Variants in DSCAM observed in about 807,000 individuals in gnomAD.
The protein encoded by DSCAM is DS cell adhesion molecule.
DSCAM carries 47 observed loss-of-function variants against 217.7 expected under a neutral mutation model. The ratio of observed to expected loss-of-function variants is 0.22; its 90% CI spans 0.17 to 0.28. The LOEUF (loss-of-function observed/expected upper bound fraction) is 0.28. DSCAM is among the 10% of genes least tolerant of loss of function. The pLI is 1.00. For synonymous variants in DSCAM, 1,056 were observed against 1,015.3 expected, an observed-to-expected ratio of 1.04 and a Z score of -0.76; for missense variants, 2,080 against 2,618.3, an observed-to-expected ratio of 0.79 and a Z score of 4.49.
rs768235267 is a variant in DSCAM, at chr21:40,620,236, AAGAG to A, written c.508+72570_508+72573del. Among the ~76,000 whole-genome samples the A allele has an allele frequency of 2.3e-3, 200 of 88,324 alleles. 11 individuals carry two copies. Among genetic ancestry groups the A allele is most frequent in the Middle Eastern group, 0.011 (2 of 184 alleles). 57.9% of individuals were successfully genotyped at this position (88,324 alleles called of 152,430 possible). On this transcript the variant is annotated intron_variant, in intron 3 of 32. Coordinates refer to ENST00000400454, the MANE Select transcript of DSCAM (RefSeq NM_001389.5). ...GAGAGAGAAAAAAGAAAAAGAAAGA[AAGAG>A]AGAGAAAGAGAGAGAAAAAAGAAAA... is the stretch of plus-strand genomic sequence containing the variant.
At chr21:40,782,486 G>T in intron 1 of DSCAM, among the ~76,000 whole-genome samples, 1 of 152,222 alleles carries the variant, frequency 6.6e-6, no homozygotes, top group East Asian at 1.9e-4. Flanking sequence ...CCAGCATGTT[G>T]GGAGGCCGAG....
chr21:40,841,383 T>A (rs1356204745), intron 1 of DSCAM, among the ~76,000 whole-genome samples: 2 of 152,182 alleles, frequency 1.3e-5, no homozygotes, highest in Non-Finnish European at 2.9e-5. Flanking sequence ...AACCCATAGA[T>A]TCGGCAAGGG....
chr21:40,203,911 C>A lies in DSCAM; in HGVS notation c.2357-14673G>T, dbSNP rs570591713. ...TAATGTGGTTTTTATAAAGGTTGAG[C>A]AATAAATAAAATATGTTTAAAAGTA... On this transcript the variant is annotated intron_variant, in intron 11 of 32. Coordinates refer to ENST00000400454, the MANE Select transcript of DSCAM (RefSeq NM_001389.5). 1.7e-4 allele frequency among the ~76,000 whole-genome samples: 26 copies of A among 151,892 alleles called. No homozygotes were observed. In the East Asian group the frequency reaches 4.8e-3, roughly 28 times the overall value.
intron 3 of DSCAM, among the ~76,000 whole-genome samples, chr21:40,427,172 TC>T (rs2075482720): frequency 6.6e-6 from 1 of 152,154 alleles, no homozygotes; most frequent in Admixed American, 6.5e-5. Context: ...GCTGCTCTGG[TC>T]ATGGACCTGT....
In DSCAM at chr21:40,804,673, A is replaced by C. The variant is rs1420746344; in HGVS notation, c.43+41946T>G. On this transcript the variant is annotated intron_variant, in intron 1 of 32. Coordinates refer to ENST00000400454, the MANE Select transcript of DSCAM (RefSeq NM_001389.5). ...TATCTGTTCCTTCTCAGTCTTCTTTACTCAGTCATCTGTCTCTGCACAATC... is the reference window on the plus strand; with the variant it reads ...TATCTGTTCCTTCTCAGTCTTCTTTCCTCAGTCATCTGTCTCTGCACAATC... 2.0e-5 allele frequency among the ~76,000 whole-genome samples: 3 copies of C among 152,082 alleles called. No individual in the cohort carries two copies. In the East Asian group the frequency reaches 5.8e-4, roughly 29 times the overall value.
At chr21:40,725,604 G>A (rs1691300413) in intron 1 of DSCAM, among the ~76,000 whole-genome samples, 1 of 152,212 alleles carries the variant, frequency 6.6e-6, no homozygotes, top group Non-Finnish European at 1.5e-5. Context: ...TAAACCGTGT[G>A]CTCACACAGC....
intron 11 of DSCAM, among the ~76,000 whole-genome samples, chr21:40,204,110 G>A (rs1406508232): frequency 6.6e-6 from 1 of 152,188 alleles, no homozygotes; most frequent in East Asian, 1.9e-4. Flanking sequence ...TGGGGTGATG[G>A]TCTGCTTACT....
chr21:40,534,175 AT>A (rs1267942429), intron 3 of DSCAM, among the ~76,000 whole-genome samples: 2 of 152,258 alleles, frequency 1.3e-5, no homozygotes, highest in African/African-American at 4.8e-5. Flanking sequence ...AGTATGTGAA[AT>A]TTTTTTATGA....
At chr21:40,655,311 G>T (rs192445444) in intron 3 of DSCAM, among the ~76,000 whole-genome samples, 1 of 152,200 alleles carries the variant, frequency 6.6e-6, no homozygotes, top group Non-Finnish European at 1.5e-5. Flanking sequence ...AGGCTGGGAA[G>T]TCCAACATCA....
At chr21:40,222,057 T>C (rs2091293137) in intron 11 of DSCAM, among the ~76,000 whole-genome samples, 1 of 152,208 alleles carries the variant, frequency 6.6e-6, no homozygotes, top group South Asian at 2.1e-4. Context: ...TCAAAAGGAA[T>C]GAAGTGAGCC....
chr21:40,197,413 CA>C (rs1400602961), intron 11 of DSCAM, among the ~76,000 whole-genome samples: 1 of 152,166 alleles, frequency 6.6e-6, no homozygotes, highest in Non-Finnish European at 1.5e-5. Flanking sequence ...CCACCGCGCC[CA>C]GCCTCTCCTT....
chr21:40,265,524 C>T (rs2073514707), intron 11 of DSCAM, among the ~76,000 whole-genome samples: 1 of 151,586 alleles, frequency 6.6e-6, no homozygotes, highest in Non-Finnish European at 1.5e-5. Context: ...CAAAAAAGAG[C>T]TAGAATAGCC....
Position 40,339,872 on chromosome 21 carries a change from TTCC to T in DSCAM, c.1211-460_1211-458del, listed in dbSNP as rs1350926640. 2.1e-4 allele frequency among the ~76,000 whole-genome samples: 9 copies of T among 43,576 alleles called. No individual in the cohort carries two copies. In the East Asian group the frequency reaches 5.8e-3, roughly 28 times the overall value. The allele number at this position is 43,576 out of a possible 152,430, so 28.6% of individuals were successfully genotyped here. ...AATTACTTTTGCACCAACCTAATAC[TTCC>T]TCAAGTTATTTGGGGTTTTCTCACT... On this transcript the variant is annotated intron_variant, in intron 6 of 32. Transcript: ENST00000400454.
At chr21:40,801,838 T>A (rs2091744479) in intron 1 of DSCAM, among the ~76,000 whole-genome samples, 1 of 152,124 alleles carries the variant, frequency 6.6e-6, no homozygotes, top group South Asian at 2.1e-4. Context: ...CACCCAGATT[T>A]CTAAGGATGT....
intron 16 of DSCAM, among the ~76,000 whole-genome samples, chr21:40,148,480 A>G (rs534893172): frequency 6.6e-6 from 1 of 152,256 alleles, no homozygotes; most frequent in East Asian, 1.9e-4. Flanking sequence ...TGAATCATAC[A>G]CTTAAAATAG....
intron 3 of DSCAM, among the ~76,000 whole-genome samples, chr21:40,600,209 G>T (rs1021854028): frequency 8.5e-5 from 13 of 152,206 alleles, no homozygotes; most frequent in African/African-American, 2.9e-4. Flanking sequence ...AGCTTGGGTT[G>T]CTATAAGAAA....
At chr21:40,078,634 C>T (rs546630108) in intron 26 of DSCAM, 53 bp downstream of exon 26, 57 of 1,578,340 alleles carry the variant, frequency 3.6e-5, no homozygotes, top group African/African-American at 8.1e-5. Context: ...GCAGGGCCCA[C>T]GTGCACATCC....
intron 29 of DSCAM, among the ~76,000 whole-genome samples, chr21:40,054,732 G>C (rs1197552455): frequency 1.3e-5 from 2 of 152,312 alleles, no homozygotes; most frequent in East Asian, 3.9e-4. Flanking sequence ...TGTTGGTGTG[G>C]AAGCAGGTGG....
At chr21:40,083,521 C>T (rs2089491757) in intron 24 of DSCAM, among the ~76,000 whole-genome samples, 1 of 152,244 alleles carries the variant, frequency 6.6e-6, no homozygotes. Context: ...TACATCTACA[C>T]TTTAGGTCCT....
Sources: gnomAD v4.1 joint callset for allele counts (sites outside exome capture counted in the v4.1 genomes callset) on GRCh38, gnomAD v4.1.1 for gene constraint, MANE v1.5 for transcripts, NCBI Gene and HGNC (gene_info 2026-07-23, HGNC 2026-07-21) for gene names.